Variants in SUCLG2 observed in about 807,000 individuals in gnomAD.
SUCLG2 encodes the protein succinate--CoA ligase [GDP-forming] subunit beta, mitochondrial.
Under a neutral mutation model 47.9 loss-of-function variants are expected in SUCLG2, and 42 were observed. The ratio of observed to expected loss-of-function variants is 0.88; its 90% CI spans 0.69 to 1.14. The LOEUF (loss-of-function observed/expected upper bound fraction) is 1.14. Among genes scored for constraint, SUCLG2 ranks in the 50% most tolerant of loss-of-function variants. SUCLG2 has a pLI of 0.00. For synonymous variants in SUCLG2, 195 were observed against 197.3 expected, an observed-to-expected ratio of 0.99 and a Z score of 0.10; for missense variants, 571 against 525.9, an observed-to-expected ratio of 1.09 and a Z score of -0.84.
intron 9 of SUCLG2, among the ~76,000 whole-genome samples, chr3:67,484,869 T>C (rs1705011523): frequency 6.6e-6 from 1 of 152,168 alleles, no homozygotes; most frequent in Non-Finnish European, 1.5e-5. Context: ...AGACAGAAAG[T>C]TTGGTGGGAA....
intron 9 of SUCLG2, among the ~76,000 whole-genome samples, chr3:67,401,195 T>G (rs12496188): frequency 0.26 from 40,036 of 152,024 alleles, 5,453 homozygotes; most frequent in Admixed American, 0.36. Context: ...TAAAATTTCT[T>G]GCATTTAGGT....
At chr3:67,498,497 G>C (rs1465857153) in intron 7 of SUCLG2, among the ~76,000 whole-genome samples, 1 of 152,058 alleles carries the variant, frequency 6.6e-6, no homozygotes, top group African/African-American at 2.4e-5. Flanking sequence ...TTACGTTCTA[G>C]TAAAGAACAT....
chr3:67,497,577 A>C (rs983841231), intron 8 of SUCLG2, among the ~76,000 whole-genome samples: 1 of 152,198 alleles, frequency 6.6e-6, no homozygotes. Flanking sequence ...AACTTTAGCA[A>C]CGTGATTAAA....
chr3:67,452,825 T>C (rs1011388791), intron 9 of SUCLG2, among the ~76,000 whole-genome samples: 1 of 152,234 alleles, frequency 6.6e-6, no homozygotes, highest in Non-Finnish European at 1.5e-5. Context: ...GTTCAATTAG[T>C]AGCTTTGTTT....
intron 2 of SUCLG2, among the ~76,000 whole-genome samples, chr3:67,532,290 C>T (rs1439141136): frequency 6.6e-6 from 1 of 152,148 alleles, no homozygotes; most frequent in East Asian, 1.9e-4. Flanking sequence ...CACATGCCAC[C>T]ATGCCCAGCT....
chr3:67,430,925 A>G (rs1340553438), intron 9 of SUCLG2, among the ~76,000 whole-genome samples: 1 of 152,188 alleles, frequency 6.6e-6, no homozygotes, highest in African/African-American at 2.4e-5. Flanking sequence ...CTCTGAATAG[A>G]CCAATAACAG....
intron 9 of SUCLG2, among the ~76,000 whole-genome samples, chr3:67,475,324 T>G (rs1704721353): frequency 6.6e-6 from 1 of 152,184 alleles, no homozygotes; most frequent in Admixed American, 6.5e-5. Flanking sequence ...ACTGAGTGAT[T>G]TCTCTTCATT....
At chr3:67,384,503 A>T (rs35995435) in intron 10 of SUCLG2, among the ~76,000 whole-genome samples, 83,147 of 152,068 alleles carry the variant, frequency 0.55, 23,488 homozygotes, top group Middle Eastern at 0.72. Flanking sequence ...GAATATACAG[A>T]CACAAAGCCT....
At chr3:67,491,679 C>T (rs559069444) in intron 9 of SUCLG2, among the ~76,000 whole-genome samples, 15 of 152,096 alleles carry the variant, frequency 9.9e-5, no homozygotes, top group Non-Finnish European at 1.8e-4. Context: ...CTTGATCTGG[C>T]TGGAGGTTAG....
rs1366885484 is a variant in SUCLG2 at position 67,446,371 on chromosome 3, A to G, written c.1063-45520T>C. Reference sequence around the variant, plus strand: ...TTTGTATATAAAAAAAAAAAAAAAAAAAAAGAAATTAGATCTCTCCGGTAT... The same window carrying G: ...TTTGTATATAAAAAAAAAAAAAAAAGAAAAGAAATTAGATCTCTCCGGTAT... On this transcript the variant is annotated intron_variant, in intron 9 of 10. Coordinates refer to ENST00000307227, the MANE Select transcript of SUCLG2 (RefSeq NM_003848.4). Among the ~76,000 whole-genome samples, 6 of 20,240 alleles carry G rather than the reference A, an allele frequency of 3.0e-4. 2 individuals are homozygous for G. The highest frequency in any genetic ancestry group is 8.0e-4 in the Non-Finnish European group (6 of 7,498). 13.3% of individuals were successfully genotyped at this position (20,240 alleles called of 152,430 possible).
chr3:67,563,572 CACAATGT>C (rs2107220918), intron 2 of SUCLG2, among the ~76,000 whole-genome samples: 1 of 152,282 alleles, frequency 6.6e-6, no homozygotes, highest in Admixed American at 6.5e-5. Context: ...AAGTACAGAA[CACAATGT>C]ACAATATGCT....
intron 9 of SUCLG2, among the ~76,000 whole-genome samples, chr3:67,419,652 A>G (rs1703109665): frequency 6.6e-6 from 1 of 152,150 alleles, no homozygotes; most frequent in Non-Finnish European, 1.5e-5. Flanking sequence ...TTGACCCCCA[A>G]TTTATGACAG....
intron 6 of SUCLG2, among the ~76,000 whole-genome samples, chr3:67,517,438 T>C (rs1427107838): frequency 6.6e-6 from 1 of 152,078 alleles, no homozygotes; most frequent in Non-Finnish European, 1.5e-5. Flanking sequence ...CATGCACACA[T>C]ACACACAATC....
intron 9 of SUCLG2, among the ~76,000 whole-genome samples, chr3:67,442,253 G>A (rs1575698452): frequency 6.6e-6 from 1 of 151,882 alleles, no homozygotes; most frequent in African/African-American, 2.4e-5. Context: ...CTCGTGATCC[G>A]CCCGCCTCGG....
At chr3:67,523,117 T>G (rs1706162771) in intron 4 of SUCLG2, among the ~76,000 whole-genome samples, 1 of 152,154 alleles carries the variant, frequency 6.6e-6, no homozygotes, top group African/African-American at 2.4e-5. Flanking sequence ...AGTTTAGTGA[T>G]GGGTTCCACA....
At position 67,375,857 on chromosome 3, in the gene SUCLG2, T is replaced by C. The variant is rs35494829; in HGVS notation, c.1186A>G (p.Thr396Ala). The C allele has an allele frequency of 0.1, 167,022 of 1,612,796 alleles. 9,536 individuals carry two copies. Among genetic ancestry groups the C allele is most frequent in the Middle Eastern group, 0.18 (1,074 of 6,052 alleles). ...ATCTTCTGGGCCTCTTGGACGTTGG[T>C]TCCTAGAAGGGGGACAGGGAACAAT... Reference protein sequence around the residue: ...KVPLVVRLEGTNVQEAQKILN... With the variant: ...KVPLVVRLEGANVQEAQKILN... The change falls in exon 11 of 11, where the codon ACC becomes GCC. Residue 396 changes from threonine (T) to alanine (A), a missense_variant and splice_region_variant. Coordinates refer to ENST00000307227, the MANE Select transcript of SUCLG2 (RefSeq NM_003848.4).
chr3:67,572,750 G>A (rs35739416), intron 2 of SUCLG2, among the ~76,000 whole-genome samples: 37,695 of 151,740 alleles, frequency 0.25, 5,127 homozygotes, highest in East Asian at 0.42. Context: ...CCCTAAGATA[G>A]AAGGCAAGGT....
chr3:67,449,259 A>C (rs1465528765), intron 9 of SUCLG2, among the ~76,000 whole-genome samples: 1 of 152,234 alleles, frequency 6.6e-6, no homozygotes, highest in African/African-American at 2.4e-5. Context: ...GCAAGTAAAG[A>C]GTGCCACATC....
intron 9 of SUCLG2, among the ~76,000 whole-genome samples, chr3:67,473,188 ATT>A (rs59233320): frequency 6.6e-6 from 1 of 151,762 alleles, no homozygotes; most frequent in Admixed American, 6.6e-5. Context: ...ATTTTTATTT[ATT>A]TTTTTTGAGA....
Sources: gnomAD v4.1 joint callset for allele counts (sites outside exome capture counted in the v4.1 genomes callset) on GRCh38, gnomAD v4.1.1 for gene constraint, MANE v1.5 for transcripts, NCBI Gene and HGNC (gene_info 2026-07-23, HGNC 2026-07-21) for gene names.